Variants in TMEM62 observed in about 807,000 individuals in gnomAD.
The protein encoded by TMEM62 is transmembrane protein 62.
Under a neutral mutation model 70.4 loss-of-function variants are expected in TMEM62, and 41 were observed. The ratio of observed to expected loss-of-function variants is 0.58; its 90% CI spans 0.45 to 0.76. The LOEUF (loss-of-function observed/expected upper bound fraction) is 0.76. TMEM62 is among the 30% of genes least tolerant of loss of function. The probability of loss-of-function intolerance (pLI) is 0.00; values close to 1 mark genes in which losing one functional copy is unlikely to be tolerated. For missense variants in TMEM62, 688 were observed against 788.5 expected, an observed-to-expected ratio of 0.87 and a Z score of 1.53; for synonymous variants, 268 against 291.0, an observed-to-expected ratio of 0.92 and a Z score of 0.80.
At chr15:43,135,024 G>A (rs2035016336) in intron 2 of TMEM62, among the ~76,000 whole-genome samples, 1 of 152,116 alleles carries the variant, frequency 6.6e-6, no homozygotes, top group Non-Finnish European at 1.5e-5. Context: ...TCCATAAAAA[G>A]TTTTCTGTTT....
chr15:43,148,850 T>TC lies in TMEM62; in HGVS notation c.716dup (p.Ser240IlefsTer41), dbSNP rs779185032. On this transcript the variant is annotated frameshift_variant, in exon 6 of 14. Coordinates refer to ENST00000260403, the MANE Select transcript of TMEM62 (RefSeq NM_024956.4). LOFTEE classifies it high-confidence loss of function. ...ACTTTACAACATCCACTATTCTTTCTCCATCACCAGGAATCCGGTCAATAA... is the reference window on the plus strand; with the variant it reads ...ACTTTACAACATCCACTATTCTTTCTCCCATCACCAGGAATCCGGTCAATAA... The TC allele has an allele frequency of 2.5e-6, 4 of 1,613,794 alleles. No individual in the cohort carries two copies. Among genetic ancestry groups the TC allele is most frequent in the Non-Finnish European group, 3.4e-6 (4 of 1,179,960 alleles).
intron 7 of TMEM62, among the ~76,000 whole-genome samples, chr15:43,151,489 GGATAA>G (rs955670225): frequency 3.0e-4 from 45 of 152,028 alleles, no homozygotes; most frequent in African/African-American, 1.1e-3. Flanking sequence ...TAAAGTACAG[GGATAA>G]GATGAGTTAC....
chr15:43,133,676 C>T lies in TMEM62; in HGVS notation c.-127C>T. 1.5e-6 allele frequency: 1 copy of T among 659,274 alleles called. No individual in the cohort carries two copies. The highest frequency in any genetic ancestry group is 2.2e-6 in the Non-Finnish European group (1 of 464,794). 40.8% of individuals were successfully genotyped at this position (659,274 alleles called of 1,614,324 possible). A position where few individuals can be genotyped will look rare whatever the true frequency, so the allele number is the denominator to read the frequency against. On this transcript the variant is annotated 5_prime_UTR_variant, in exon 1 of 14. Coordinates refer to ENST00000260403, the MANE Select transcript of TMEM62 (RefSeq NM_024956.4). ...TGTCTGGCTCCAGCCCCGCATCCGG[C>T]GCCGGCCCCGCATCCAGCTCTGGCC... is the stretch of plus-strand genomic sequence containing the variant.
intron 7 of TMEM62, 60 bp from the exon 8 acceptor site, chr15:43,151,730 C>T: frequency 6.8e-7 from 1 of 1,474,154 alleles, no homozygotes; most frequent in Admixed American, 2.0e-5. Flanking sequence ...CTGTATATTA[C>T]CTTCATGACC....
rs779080702 is a variant in TMEM62, at chr15:43,184,442, A to G, written c.1788A>G (p.Thr596=). 1.9e-6 allele frequency: 3 copies of G among 1,614,204 alleles called. No individual in the cohort carries two copies. The highest frequency in any genetic ancestry group is 2.5e-6 in the Non-Finnish European group (3 of 1,180,038). ...QVYSCYFLYA[T]YGTLAFLFSP... is the part of the protein sequence containing the mutation. ...ATTCCTGCTACTTTCTTTATGCAACATACGGCACCCTAGCTTTTTTATTCT... is the reference window on the plus strand; with the variant it reads ...ATTCCTGCTACTTTCTTTATGCAACGTACGGCACCCTAGCTTTTTTATTCT... Residue 596 remains threonine (T), a synonymous_variant, in exon 14 of 14, where the codon ACA becomes ACG. Transcript: ENST00000260403.
At chr15:43,178,745 G>A in intron 12 of TMEM62, 34 bp downstream of exon 12, 9 of 1,360,864 alleles carry the variant, frequency 6.6e-6, no homozygotes, top group Non-Finnish European at 9.3e-6. Flanking sequence ...GGGGAATTTT[G>A]CCAAAGAATA....
intron 4 of TMEM62, among the ~76,000 whole-genome samples, chr15:43,144,141 A>G (rs549431959): frequency 5.8e-4 from 88 of 152,280 alleles, no homozygotes; most frequent in Non-Finnish European, 1.0e-3. Context: ...AGTGTGTCCA[A>G]TCTTAAAAGA....
At chr15:43,159,950 T>C (rs577307338) in intron 9 of TMEM62, among the ~76,000 whole-genome samples, 1 of 152,146 alleles carries the variant, frequency 6.6e-6, no homozygotes, top group Non-Finnish European at 1.5e-5. Flanking sequence ...ACTCTTTAAA[T>C]GTAGAATTAT....
In TMEM62 at chr15:43,184,726, G is replaced by A. The variant is rs2041736556; in HGVS notation, c.*140G>A. The A allele has an allele frequency of 5.7e-6, 4 of 703,548 alleles. No individual in the cohort carries two copies. The highest frequency in any genetic ancestry group is 9.4e-6 in the Non-Finnish European group (4 of 426,606). 43.6% of individuals were successfully genotyped at this position (703,548 alleles called of 1,614,324 possible). A position where few individuals can be genotyped will look rare whatever the true frequency, so the allele number is the denominator to read the frequency against. On this transcript the variant is annotated 3_prime_UTR_variant, in exon 14 of 14. Transcript: ENST00000260403. ...CAGCTGCTCGTTTGGAGTCCTGGAC[G>A]TTGGAGGGATTACCCACTACTGATA...
chr15:43,136,994 C>T (rs944176100), intron 3 of TMEM62, among the ~76,000 whole-genome samples: 1 of 152,066 alleles, frequency 6.6e-6, no homozygotes, highest in Non-Finnish European at 1.5e-5. Context: ...CTCAAGTGAT[C>T]CTCCTACCTC....
Position 43,133,871 on chromosome 15 carries a change from G to A in TMEM62, c.69G>A (p.Leu23=). 6.7e-7 allele frequency: 1 copy of A among 1,497,040 alleles called. No individual in the cohort carries two copies. The highest frequency in any genetic ancestry group is 8.8e-7 in the Non-Finnish European group (1 of 1,131,560). The allele number at this position is 1,497,040 out of a possible 1,614,324, so 92.7% of individuals were successfully genotyped here. ...LAAAALVAML[L]EHYGLAGQPS... ...CCGCAGCGCTGGTGGCCATGCTCTT[G>A]GAGCACTACGGCCTGGCGGGCCAGC... The change falls in exon 1 of 14, where the codon TTG becomes TTA. Residue 23 remains leucine, a synonymous_variant. Coordinates refer to ENST00000260403, the MANE Select transcript of TMEM62 (RefSeq NM_024956.4).
In TMEM62 at chr15:43,138,485, G is replaced by T. The variant is rs549449585; in HGVS notation, c.431-89G>T. 5 of 1,071,152 alleles carry T rather than the reference G, an allele frequency of 4.7e-6. No homozygotes were observed. The East Asian group carries it at 9.6e-5, about 21-fold the overall frequency. 66.4% of individuals were successfully genotyped at this position (1,071,152 alleles called of 1,614,324 possible). ...GTGTGTGGAAGAATTGTTATAGAAA[G>T]AATTATTTTCCCTTAGTCATTAAAG... On this transcript the variant is annotated intron_variant, in intron 3 of 13. Transcript: ENST00000260403.
intron 11 of TMEM62, among the ~76,000 whole-genome samples, chr15:43,176,287 T>C (rs1049391322): frequency 1.4e-4 from 21 of 152,222 alleles, no homozygotes; most frequent in Non-Finnish European, 2.6e-4. Flanking sequence ...AGCAGTCACC[T>C]CTGAAGACTT....
Position 43,178,795 on chromosome 15 carries a change from A to T in TMEM62, c.1486+84A>T, listed in dbSNP as rs2041049413. On this transcript the variant is annotated intron_variant, in intron 12 of 13. Coordinates refer to ENST00000260403, the MANE Select transcript of TMEM62 (RefSeq NM_024956.4). ...ACAATAGAATTAGACTCTTGAGGGT[A>T]TAACAAATGGCTCATGGATTCTTCA... 6 of 722,566 alleles carry T rather than the reference A, an allele frequency of 8.3e-6. No individual in the cohort carries two copies. The South Asian group carries it at 1.3e-4, about 15-fold the overall frequency. The allele number at this position is 722,566 out of a possible 1,614,324, so 44.8% of individuals were successfully genotyped here.
intron 3 of TMEM62, among the ~76,000 whole-genome samples, chr15:43,137,737 G>C (rs1158689283): frequency 1.3e-5 from 2 of 152,214 alleles, no homozygotes; most frequent in African/African-American, 4.8e-5. Context: ...TCCATGGAAG[G>C]CTGGTCATAC....
chr15:43,167,158 C>T (rs1371409480), intron 10 of TMEM62, among the ~76,000 whole-genome samples: 97 of 148,118 alleles, frequency 6.5e-4, no homozygotes, highest in Admixed American at 1.2e-3. Context: ...GCTGGCCAGG[C>T]GGGGGGCTGA....
Position 43,135,633 on chromosome 15 carries a change from T to C in TMEM62, c.414T>C (p.Asp138=). The C allele has an allele frequency of 1.9e-6, 3 of 1,595,210 alleles. No homozygotes were observed. Among genetic ancestry groups the C allele is most frequent in the Non-Finnish European group, 1.7e-6 (2 of 1,175,540 alleles). Residue 138 remains aspartate, a synonymous_variant, in exon 3 of 14, where the codon GAT becomes GAC. Transcript: ENST00000260403. ...TCATGGAAAAAACCAAGTGGCTGGATATCAAAGGAAATCATGGTAAGAGCC... is the reference window on the plus strand; with the variant it reads ...TCATGGAAAAAACCAAGTGGCTGGACATCAAAGGAAATCATGGTAAGAGCC... ...TRVMEKTKWL[D]IKGNHDAFNI...
intron 10 of TMEM62, among the ~76,000 whole-genome samples, chr15:43,163,642 C>T (rs1175804698): frequency 6.6e-6 from 1 of 151,934 alleles, no homozygotes; most frequent in Non-Finnish European, 1.5e-5. Flanking sequence ...ATTAGCTGGG[C>T]ATGGAGGTGG....
At chr15:43,151,755 G>A in intron 7 of TMEM62, 35 bp from the exon 8 acceptor site, 1 of 1,599,592 alleles carries the variant, frequency 6.3e-7, no homozygotes, top group Non-Finnish European at 8.5e-7. Flanking sequence ...ACAATGTGAA[G>A]TGACTAAATT....
Sources: allele counts gnomAD v4.1 joint callset (sites outside exome capture counted in the v4.1 genomes callset), GRCh38; gene constraint gnomAD v4.1.1; transcripts MANE v1.5; gene names NCBI Gene and HGNC (gene_info 2026-07-23, HGNC 2026-07-21).